The following MGMT variants were observed in gnomAD, a reference collection of about 807,000 sequenced individuals.
MGMT encodes O-6-methylguanine-DNA methyltransferase.
In MGMT, 14 loss-of-function variants were observed where a neutral mutation model predicts 15.9. The observed-to-expected ratio is 0.88, with a 90% CI of 0.58 to 1.37. The LOEUF is 1.37. Ranked by LOEUF, MGMT falls within the 40% of genes most tolerant of loss-of-function variation. The probability of loss-of-function intolerance (pLI) is 0.00; values close to 1 mark genes in which losing one functional copy is unlikely to be tolerated. For synonymous variants in MGMT, 130 were observed against 118.2 expected, an observed-to-expected ratio of 1.10 and a Z score of -0.65; for missense variants, 282 against 268.1, an observed-to-expected ratio of 1.05 and a Z score of -0.36.
chr10:129,617,636 A>G (rs1027660723), intron 2 of MGMT, among the ~76,000 whole-genome samples: 1 of 151,986 alleles, frequency 6.6e-6, no homozygotes, highest in Non-Finnish European at 1.5e-5. Flanking sequence ...CTAGTGTGAG[A>G]TGGTGTCTCA....
At chr10:129,551,456 G>A (rs1286796160) in intron 2 of MGMT, among the ~76,000 whole-genome samples, 4 of 152,118 alleles carry the variant, frequency 2.6e-5, no homozygotes, top group Non-Finnish European at 5.9e-5. Flanking sequence ...ACTTCAGGAA[G>A]AGCATCAGCT....
intron 2 of MGMT, among the ~76,000 whole-genome samples, chr10:129,697,131 G>A (rs1040681296): frequency 1.3e-5 from 2 of 152,206 alleles, no homozygotes; most frequent in African/African-American, 4.8e-5. Flanking sequence ...GTGTATAATA[G>A]AAAGTAGGTT....
At chr10:129,695,018 C>T (rs1039786859) in intron 2 of MGMT, among the ~76,000 whole-genome samples, 7 of 152,144 alleles carry the variant, frequency 4.6e-5, no homozygotes, top group Non-Finnish European at 1.0e-4. Flanking sequence ...TTTTATTACT[C>T]TATATCCTTG....
intron 2 of MGMT, among the ~76,000 whole-genome samples, chr10:129,616,250 C>T (rs547342075): frequency 6.6e-6 from 1 of 152,298 alleles, no homozygotes; most frequent in African/African-American, 2.4e-5. Context: ...TGCCACGGTG[C>T]TTAGGAATCT....
chr10:129,569,657 G>A (rs1281206669), intron 2 of MGMT, among the ~76,000 whole-genome samples: 1 of 152,100 alleles, frequency 6.6e-6, no homozygotes, highest in African/African-American at 2.4e-5. Flanking sequence ...CAACCTTGGT[G>A]GGTTGTAGAC....
intron 2 of MGMT, among the ~76,000 whole-genome samples, chr10:129,619,993 A>G (rs1472276501): frequency 6.6e-6 from 1 of 152,196 alleles, no homozygotes; most frequent in Non-Finnish European, 1.5e-5. Flanking sequence ...ACTGAAGAAA[A>G]GCAGATAGCA....
intron 3 of MGMT, among the ~76,000 whole-genome samples, chr10:129,727,011 A>G (rs1418513978): frequency 1.3e-5 from 2 of 152,240 alleles, no homozygotes; most frequent in Non-Finnish European, 2.9e-5. Context: ...AGAGTCAGTC[A>G]GTGAAGTCAT....
intron 2 of MGMT, among the ~76,000 whole-genome samples, chr10:129,636,888 G>A (rs2133086644): frequency 6.6e-6 from 1 of 152,244 alleles, no homozygotes; most frequent in East Asian, 1.9e-4. Flanking sequence ...CTCATTAAAT[G>A]AACATTGAAA....
intron 2 of MGMT, among the ~76,000 whole-genome samples, chr10:129,608,281 A>G (rs1846916806): frequency 6.6e-6 from 1 of 152,232 alleles, no homozygotes; most frequent in African/African-American, 2.4e-5. Flanking sequence ...GAGTGTGGAA[A>G]TAGTCCCTAC....
chr10:129,744,995 C>T (rs996606838), intron 3 of MGMT, among the ~76,000 whole-genome samples: 4 of 152,100 alleles, frequency 2.6e-5, no homozygotes, highest in Non-Finnish European at 5.9e-5. Context: ...GGATAGAGCC[C>T]CGGGAGGTAG....
Position 129,611,684 on chromosome 10 carries a change from T to C in MGMT, c.125+75307T>C, listed in dbSNP as rs138875809. Reference sequence around the variant, plus strand: ...AGGGAACTCTGGAGAGAGAATGACCTGTAGAGTCATCCCAAATTGAGGCCG... The same window carrying C: ...AGGGAACTCTGGAGAGAGAATGACCCGTAGAGTCATCCCAAATTGAGGCCG... On this transcript the variant is annotated intron_variant, in intron 2 of 4. Transcript: ENST00000651593. 9.9e-5 allele frequency among the ~76,000 whole-genome samples: 15 copies of C among 152,260 alleles called. No individual in the cohort carries two copies. The East Asian group carries it at 2.9e-3, about 29-fold the overall frequency.
At chr10:129,506,177 CA>C (rs538772368) in intron 1 of MGMT, among the ~76,000 whole-genome samples, 6 of 152,204 alleles carry the variant, frequency 3.9e-5, no homozygotes, top group African/African-American at 1.4e-4. Context: ...GAACATCCCA[CA>C]ACACATGGGC....
At chr10:129,615,272 G>A (rs760489597) in intron 2 of MGMT, among the ~76,000 whole-genome samples, 11 of 152,140 alleles carry the variant, frequency 7.2e-5, no homozygotes, top group African/African-American at 1.2e-4. Context: ...CCTTGCCGCC[G>A]CCTCCCCTGA....
chr10:129,649,963 T>A (rs566592359), intron 2 of MGMT, among the ~76,000 whole-genome samples: 49 of 152,362 alleles, frequency 3.2e-4, no homozygotes, highest in African/African-American at 1.2e-3. Context: ...ATCTTTTTCC[T>A]CTTTAGCATC....
At chr10:129,743,585 C>G (rs1268539826) in intron 3 of MGMT, among the ~76,000 whole-genome samples, 1 of 152,204 alleles carries the variant, frequency 6.6e-6, no homozygotes, top group African/African-American at 2.4e-5. Context: ...CTGGCACCCT[C>G]AAGTGCAAGT....
intron 2 of MGMT, among the ~76,000 whole-genome samples, chr10:129,554,618 C>G (rs180779369): frequency 6.6e-6 from 1 of 152,122 alleles, no homozygotes; most frequent in African/African-American, 2.4e-5. Context: ...TGCTTTTTGG[C>G]CTTTCTCCCT....
chr10:129,691,701 G>C (rs1254449520), intron 2 of MGMT, among the ~76,000 whole-genome samples: 1 of 152,110 alleles, frequency 6.6e-6, no homozygotes, highest in African/African-American at 2.4e-5. Flanking sequence ...GGACACTGGA[G>C]CGAAGGTGCA....
chr10:129,668,060 A>G (rs1417522578), intron 2 of MGMT, among the ~76,000 whole-genome samples: 1 of 152,172 alleles, frequency 6.6e-6, no homozygotes, highest in Admixed American at 6.5e-5. Flanking sequence ...GTCTTGCTGA[A>G]CAGAAGGTTT....
rs370416871 is a variant in MGMT, at chr10:129,659,924, T to C, written c.126-47971T>C. The stretch of plus-strand genomic sequence containing the variant: ...ATCCCTGCCCCACTCCCCAGCTCTC[T>C]ATGGCATTAGTAGATGCTGGAAGAT... On this transcript the variant is annotated intron_variant, in intron 2 of 4. Coordinates refer to ENST00000651593, the MANE Select transcript of MGMT (RefSeq NM_002412.5). This position sits in a 1 kb window ranked among gnomAD's most constrained non-coding sequence, Gnocchi z 4.1. Among the ~76,000 whole-genome samples, 23 of 152,176 alleles carry C rather than the reference T, an allele frequency of 1.5e-4. No homozygotes were observed. The highest frequency in any genetic ancestry group is 5.3e-4 in the African/African-American group (22 of 41,446).
Sources: gnomAD v4.1 joint callset for allele counts (sites outside exome capture counted in the v4.1 genomes callset) on GRCh38, gnomAD v4.1.1 for gene constraint, Gnocchi (gnomAD v3.1) non-coding constraint, MANE v1.5 for transcripts, NCBI Gene and HGNC (gene_info 2026-07-23, HGNC 2026-07-21) for gene names.